TM6SF1: variants seen among roughly 807,000 people sequenced by gnomAD.
The protein encoded by TM6SF1 is transmembrane 6 superfamily member 1.
Under a neutral mutation model 47.1 loss-of-function variants are expected in TM6SF1, and 43 were observed. The ratio of observed to expected loss-of-function variants is 0.91; its 90% CI spans 0.72 to 1.18. The LOEUF is 1.18. Among genes scored for constraint, TM6SF1 ranks in the 50% most tolerant of loss-of-function variants. The pLI, the probability that TM6SF1 is intolerant of heterozygous loss-of-function variation, is 0.00. For synonymous variants in TM6SF1, 177 were observed against 166.3 expected, an observed-to-expected ratio of 1.06 and a Z score of -0.49; for missense variants, 390 against 449.0, an observed-to-expected ratio of 0.87 and a Z score of 1.19.
At chr15:83,108,008 T>A (rs1394463434) in intron 1 of TM6SF1, 2 of 825,160 alleles carry the variant, frequency 2.4e-6, no homozygotes, top group Non-Finnish European at 3.3e-6. Context: ...GGGATGTTGG[T>A]GCCAGCACCG....
intron 4 of TM6SF1, 167 bp downstream of exon 4, chr15:83,119,848 C>A: frequency 9.7e-7 from 1 of 1,035,898 alleles, no homozygotes; most frequent in Non-Finnish European, 1.4e-6. Flanking sequence ...GTACCACTGC[C>A]TTTTGAATAT....
At chr15:83,118,673 C>T (rs1486878766) in intron 3 of TM6SF1, among the ~76,000 whole-genome samples, 1 of 152,138 alleles carries the variant, frequency 6.6e-6, no homozygotes, top group Non-Finnish European at 1.5e-5. Flanking sequence ...GCTGGTTGAT[C>T]TGCACTCTTC....
At chr15:83,116,125 C>T (rs1402016527) in intron 3 of TM6SF1, among the ~76,000 whole-genome samples, 183 bp downstream of exon 3, 1 of 152,186 alleles carries the variant, frequency 6.6e-6, no homozygotes, top group Non-Finnish European at 1.5e-5. Context: ...GGTTAGATCA[C>T]GAGAGGCAAT....
In TM6SF1 at chr15:83,124,764, G is replaced by T; in HGVS notation, c.696G>T (p.Leu232=). 1.2e-6 allele frequency: 2 copies of T among 1,613,752 alleles called. No individual in the cohort carries two copies. The highest frequency in any genetic ancestry group is 1.7e-6 in the Non-Finnish European group (2 of 1,179,658). The change falls in exon 7 of 10, where the codon CTG becomes CTT. Residue 232 remains leucine, a synonymous_variant. Coordinates refer to ENST00000322019, the MANE Select transcript of TM6SF1 (RefSeq NM_023003.5). ...TCCTCCTGGCAACTGGATTTTGCCT[G>T]TTCAGAGGTTTGGTAAGCATAACAG... ...VCLLLATGFC[L]FRGLIALDCP...
rs1399202411 is a variant in TM6SF1 at position 83,107,791 on chromosome 15, CG to C, written c.92+24del. On this transcript the variant is annotated intron_variant, in intron 1 of 9. Transcript: ENST00000322019. This position sits in a 1 kb window ranked among gnomAD's most constrained non-coding sequence, Gnocchi z 5.6. ...AGCATGAGTGAGTGAGCCGGCGCGG[CG>C]GGGGTCGCGCCGAGGGGCGGCGGGA... 1.9e-6 allele frequency: 3 copies of C among 1,566,306 alleles called. No homozygotes were observed. The highest frequency in any genetic ancestry group is 2.6e-6 in the Non-Finnish European group (3 of 1,158,740).
chr15:83,122,032 T>C, intron 5 of TM6SF1, 29 bp downstream of exon 5: 2 of 1,548,346 alleles, frequency 1.3e-6, no homozygotes, highest in Non-Finnish European at 1.8e-6. Flanking sequence ...AAGTTCACTT[T>C]CCTTTTCTAA....
rs763180515 is a variant in TM6SF1, at chr15:83,107,698, C to T, written c.18C>T (p.Ala6=). ...CGGCTGCGATGAGTGCCTCTGCGGC[C>T]ACCGGGGTCTTCGTGCTGTCCCTCT... MSASA[A]TGVFVLSLSA... Residue 6 remains alanine, a synonymous_variant, in exon 1 of 10, where the codon GCC becomes GCT. Coordinates refer to ENST00000322019, the MANE Select transcript of TM6SF1 (RefSeq NM_023003.5). The surrounding 1 kb of genome is among the most constrained non-coding windows in gnomAD (Gnocchi z 5.6). 4 of 1,564,248 alleles carry T rather than the reference C, an allele frequency of 2.6e-6. No homozygotes were observed. The highest frequency in any genetic ancestry group is 1.2e-5 in the South Asian group (1 of 86,012).
chr15:83,129,111 T>A (rs1401046253), intron 9 of TM6SF1: 1 of 152,244 alleles, frequency 6.6e-6, no homozygotes, highest in Non-Finnish European at 1.5e-5. Flanking sequence ...ATTACAGGTG[T>A]GAGCCACCAC....
chr15:83,111,061 G>A (rs911254269), intron 1 of TM6SF1, among the ~76,000 whole-genome samples: 3 of 151,954 alleles, frequency 2.0e-5, no homozygotes, highest in Admixed American at 1.3e-4. Flanking sequence ...TAGTAGAGAC[G>A]GGGTTTCACC....
chr15:83,134,472 C>G (rs2036480708), intron 9 of TM6SF1: 1 of 152,308 alleles, frequency 6.6e-6, no homozygotes, highest in African/African-American at 2.4e-5. Flanking sequence ...ATCCACCCGC[C>G]TTGGCCTCCC....
chr15:83,116,207 C>T (rs8037783), intron 3 of TM6SF1, among the ~76,000 whole-genome samples: 57,629 of 152,088 alleles, frequency 0.38, 12,971 homozygotes, highest in African/African-American at 0.64. Context: ...TCCCCTTTAT[C>T]TGTATTTAAT....
At chr15:83,122,131 A>C (rs2035314152) in intron 5 of TM6SF1, 128 bp downstream of exon 5, 1 of 782,506 alleles carries the variant, frequency 1.3e-6, no homozygotes, top group Non-Finnish European at 2.1e-6. Flanking sequence ...TGTTTTGCAG[A>C]ATAATTCCTT....
In TM6SF1 at chr15:83,136,639, C is replaced by A. The variant is rs773669337; in HGVS notation, c.1080C>A (p.Phe360Leu). Residue 360 changes from phenylalanine (F) to leucine (L), a missense_variant, in exon 10 of 10, where the codon TTC becomes TTA. Coordinates refer to ENST00000322019, the MANE Select transcript of TM6SF1 (RefSeq NM_023003.5). ...GTTGTATCTACAAACCAGAGTTCTT[C>A]ATAAAAACAAAGGCAGAAGAAAAAG... The part of the protein sequence containing the change: ...AYRCIYKPEF[F>L]IKTKAEEKVE 2 of 1,600,054 alleles carry A rather than the reference C, an allele frequency of 1.2e-6. No homozygotes were observed. Among genetic ancestry groups the A allele is most frequent in the South Asian group, 1.1e-5 (1 of 87,532 alleles).
chr15:83,127,678 T>C (rs1368689060), intron 9 of TM6SF1: 5 of 505,774 alleles, frequency 9.9e-6, no homozygotes, highest in South Asian at 4.6e-5. Context: ...AGATGTGCCA[T>C]CCAGTTACAC....
At chr15:83,122,619 T>C (rs2035373540) in intron 5 of TM6SF1, 138 bp from the exon 6 acceptor site, 2 of 859,440 alleles carry the variant, frequency 2.3e-6, no homozygotes, top group Admixed American at 2.7e-5. Flanking sequence ...TAAATTGACC[T>C]TTTTAATTTG....
intron 3 of TM6SF1, among the ~76,000 whole-genome samples, chr15:83,116,731 G>A (rs1263319548): frequency 6.6e-6 from 1 of 152,190 alleles, no homozygotes; most frequent in African/African-American, 2.4e-5. Context: ...GCTGGATGGA[G>A]GCAGCGCATG....
intron 3 of TM6SF1, among the ~76,000 whole-genome samples, chr15:83,118,925 C>T (rs2034956450): frequency 6.6e-6 from 1 of 152,138 alleles, no homozygotes; most frequent in African/African-American, 2.4e-5. Context: ...AAGTATGGCT[C>T]TTCTTGGTCT....
rs1006206636 is a variant in TM6SF1, at chr15:83,136,949, A to T, written c.*277A>T. 3 of 234,730 alleles carry T rather than the reference A, an allele frequency of 1.3e-5. No individual in the cohort carries two copies. Among genetic ancestry groups the T allele is most frequent in the African/African-American group, 6.8e-5 (3 of 44,070 alleles). The allele number at this position is 234,730 out of a possible 1,614,324, so 14.5% of individuals were successfully genotyped here. A position where few individuals can be genotyped will look rare whatever the true frequency, so the allele number is the denominator to read the frequency against. On this transcript the variant is annotated 3_prime_UTR_variant, in exon 10 of 10. Transcript: ENST00000322019. ...ATATTGTTTGACATATAAAATAATT[A>T]TAAGTGTAAAAAATTACAATTTAGT...
chr15:83,136,613 CGTT>C lies in TM6SF1; in HGVS notation c.1057_1059del (p.Cys353del), dbSNP rs779487822. On this transcript the variant is annotated inframe_deletion, in exon 10 of 10. Transcript: ENST00000322019. ...AGTTCTTCCTCAGCTCTTGGCCTAT[CGTT>C]GTATCTACAAACCAGAGTTCTTCAT... The C allele has an allele frequency of 1.8e-5, 29 of 1,612,146 alleles. No homozygotes were observed. Among genetic ancestry groups the C allele is most frequent in the Non-Finnish European group, 2.3e-5 (27 of 1,179,472 alleles).
Sources: allele counts gnomAD v4.1 joint callset (sites outside exome capture counted in the v4.1 genomes callset), GRCh38; gene constraint gnomAD v4.1.1; non-coding constraint Gnocchi (gnomAD v3.1); transcripts MANE v1.5; gene names NCBI Gene and HGNC (gene_info 2026-07-23, HGNC 2026-07-21).